Variants in DOT1L observed in about 807,000 individuals in gnomAD.
DOT1L encodes the protein DOT1 like histone lysine methyltransferase, also known as histone-lysine N-methyltransferase, H3 lysine-79 specific.
Under a neutral mutation model 153.3 loss-of-function variants are expected in DOT1L, and 33 were observed. The ratio of observed to expected loss-of-function variants is 0.22; its 90% CI spans 0.16 to 0.29. The LOEUF (loss-of-function observed/expected upper bound fraction) is 0.29, where lower values mean the gene tolerates loss of function less well. Ranked by LOEUF, DOT1L falls within the 10% of genes least tolerant of loss-of-function variation. DOT1L has a pLI of 1.00. For missense variants in DOT1L, 1,847 were observed against 2,119.9 expected (o/e 0.87, Z 2.53); for synonymous variants, 1,135 against 965.1 (o/e 1.18, Z -3.26).
intron 1 of DOT1L, among the ~76,000 whole-genome samples, chr19:2,166,232 G>C (rs1462874661): frequency 1.3e-5 from 2 of 151,428 alleles, no homozygotes; most frequent in Non-Finnish European, 2.9e-5. Flanking sequence ...TGGTAGGTGG[G>C]ATTACAGGCA....
rs2023726950 is a variant in DOT1L, at chr19:2,211,857, C to T, written c.1557+15C>T. 4 of 1,551,000 alleles carry T rather than the reference C, an allele frequency of 2.6e-6. No individual in the cohort carries two copies. Among genetic ancestry groups the T allele is most frequent in the Non-Finnish European group, 3.5e-6 (4 of 1,147,738 alleles). On this transcript the variant is annotated intron_variant, in intron 16 of 27. Transcript: ENST00000398665. ...GCCAGGAGAAGGTGGGTCCTGGCCC[C>T]CTTGGCATTCCGCCTTCCCGCACAG...
In DOT1L at chr19:2,231,984, G is replaced by A. The variant is rs565368859; in HGVS notation, c.*2192G>A. 7 of 210,090 alleles carry A rather than the reference G, an allele frequency of 3.3e-5. No homozygotes were observed. Among genetic ancestry groups the A allele is most frequent in the Non-Finnish European group, 5.8e-5 (6 of 103,336 alleles). The allele number at this position is 210,090 out of a possible 1,614,324, so 13.0% of individuals were successfully genotyped here. A position where few individuals can be genotyped will look rare whatever the true frequency, so the allele number is the denominator to read the frequency against. On this transcript the variant is annotated 3_prime_UTR_variant, in exon 28 of 28. Coordinates refer to ENST00000398665, the MANE Select transcript of DOT1L (RefSeq NM_032482.3). ...GTGAACTAGTGTGGTGGCTGCCTGC[G>A]GACACCCTCCTGTTCTGAGCCCTGG...
At chr19:2,210,599 G>C (rs769251501) in intron 13 of DOT1L, 22 bp from the exon 14 acceptor site, 3 of 1,608,870 alleles carry the variant, frequency 1.9e-6, no homozygotes, top group African/African-American at 1.3e-5. Context: ...GCCCATCCCT[G>C]TTCTTCCCTT....
At chr19:2,187,081 C>G (rs1472402222) in intron 3 of DOT1L, among the ~76,000 whole-genome samples, 2 of 152,190 alleles carry the variant, frequency 1.3e-5, no homozygotes, top group East Asian at 3.9e-4. Context: ...ATCTCCAGTC[C>G]CCTCTTTCTA....
Position 2,228,697 on chromosome 19 carries a change from G to T in DOT1L, c.4607-1088G>T, listed in dbSNP as rs1427869653. ...AGGCTCACGGGGTGCCAGGCCAGGG[G>T]GCTGGGAGCTCTAGCTCCTAGAGCA... On this transcript the variant is annotated intron_variant, in intron 27 of 27. Coordinates refer to ENST00000398665, the MANE Select transcript of DOT1L (RefSeq NM_032482.3). 4 of 985,416 alleles carry T rather than the reference G, an allele frequency of 4.1e-6. No individual in the cohort carries two copies. The African/African-American group carries it at 5.2e-5, about 13-fold the overall frequency. The allele number at this position is 985,416 out of a possible 1,614,324, so 61.0% of individuals were successfully genotyped here. A position where few individuals can be genotyped will look rare whatever the true frequency, so the allele number is the denominator to read the frequency against.
chr19:2,202,884 T>C, intron 9 of DOT1L, 105 bp downstream of exon 9: 3 of 1,090,950 alleles, frequency 2.7e-6, no homozygotes, highest in Admixed American at 1.9e-5. Context: ...AGACTTGGGG[T>C]CTTCAGTCCC....
In DOT1L at chr19:2,207,800, C is replaced by A. The variant is rs967843097; in HGVS notation, c.963+120C>A. 1.1e-6 allele frequency: 1 copy of A among 916,832 alleles called. No individual in the cohort carries two copies. Among genetic ancestry groups the A allele is most frequent in the Admixed American group, 2.7e-5 (1 of 37,128 alleles). 56.8% of individuals were successfully genotyped at this position (916,832 alleles called of 1,614,324 possible). ...ACCCTCCCCTCAGAGCCCTCAACGC[C>A]CCCCGGCCCCTGAGCTCAGGCCCAG... On this transcript the variant is annotated intron_variant, in intron 11 of 27. Coordinates refer to ENST00000398665, the MANE Select transcript of DOT1L (RefSeq NM_032482.3). This position sits in a 1 kb window ranked among gnomAD's most constrained non-coding sequence, Gnocchi z 4.5.
chr19:2,214,481 G>T lies in DOT1L; in HGVS notation c.1808G>T (p.Arg603Leu). ...RGQSLQLLKA[R>L]CEELQLDWAT... ...TCCCTATCCCCTCAGCTCAAGGCTC[G>T]CTGCGAGGAGCTGCAGCTGGACTGG... The change falls in exon 19 of 28, where the codon CGC becomes CTC. Residue 603 changes from arginine to leucine, a missense_variant. Arg to Leu is a moderately radical substitution (Grantham distance 102). Coordinates refer to ENST00000398665, the MANE Select transcript of DOT1L (RefSeq NM_032482.3). 1 of 1,612,808 alleles carries T rather than the reference G, an allele frequency of 6.2e-7. No individual in the cohort carries two copies. Among genetic ancestry groups the T allele is most frequent in the Non-Finnish European group, 8.5e-7 (1 of 1,179,810 alleles).
rs887395949 is a variant in DOT1L at position 2,230,496 on chromosome 19, G to A, written c.*704G>A. On this transcript the variant is annotated 3_prime_UTR_variant, in exon 28 of 28. Coordinates refer to ENST00000398665, the MANE Select transcript of DOT1L (RefSeq NM_032482.3). The stretch of plus-strand genomic sequence containing the variant: ...TGGCCATGTGCTGCGCGATGGTGCT[G>A]TGAGGACGGCGCGGGCACGTTGAAC... 14 of 398,866 alleles carry A rather than the reference G, an allele frequency of 3.5e-5. No individual in the cohort carries two copies. Among genetic ancestry groups the A allele is most frequent in the African/African-American group, 2.5e-4 (12 of 48,656 alleles). 24.7% of individuals were successfully genotyped at this position (398,866 alleles called of 1,614,324 possible).
At chr19:2,167,402 G>A (rs1240915730) in intron 1 of DOT1L, among the ~76,000 whole-genome samples, 1 of 152,202 alleles carries the variant, frequency 6.6e-6, no homozygotes, top group South Asian at 2.1e-4. Context: ...GTCCCCGCCC[G>A]CATGCCTGCT....
chr19:2,194,661 A>ATGTTGGCACATGTC, intron 7 of DOT1L, 84 bp downstream of exon 7: 4 of 1,139,138 alleles, frequency 3.5e-6, no homozygotes, highest in Middle Eastern at 2.9e-4. Context: ...TTTCTTGCCG[A>ATGTTGGCACATGTC]TGTTGGCACA....
intron 4 of DOT1L, 69 bp downstream of exon 4, chr19:2,189,864 T>C (rs543423366): frequency 6.5e-7 from 1 of 1,538,918 alleles, no homozygotes; most frequent in Non-Finnish European, 8.9e-7. Flanking sequence ...AGACCCCTTA[T>C]GTCACCGCCT....
At chr19:2,187,763 A>G (rs1180979117) in intron 3 of DOT1L, among the ~76,000 whole-genome samples, 3 of 152,172 alleles carry the variant, frequency 2.0e-5, no homozygotes, top group Non-Finnish European at 4.4e-5. Flanking sequence ...TCTACTAAAA[A>G]TACAAAAAAT....
chr19:2,227,075 C>T lies in DOT1L; in HGVS notation c.4554C>T (p.Thr1518=), dbSNP rs1260357228. Residue 1518 remains threonine, a synonymous_variant, in exon 27 of 28, where the codon ACC becomes ACT. Transcript: ENST00000398665. The stretch of plus-strand genomic sequence containing the variant: ...TGTCGTCCGCTGCCACCAGACTGAC[C>T]AACTCGCACGCCATGGGCAGCTTTT... ...VHVSSAATRL[T]NSHAMGSFSG... 5.1e-6 allele frequency: 8 copies of T among 1,567,224 alleles called. No homozygotes were observed. In the East Asian group the frequency reaches 6.9e-5, roughly 13 times the overall value.
chr19:2,230,096 G>A lies in DOT1L; in HGVS notation c.*304G>A, dbSNP rs1051810678. Reference sequence around the variant, plus strand: ...GAAATATAAATATCTATATATGAGAGCTCTATATAAAGACACGTGTCTGCA... The same window carrying A: ...GAAATATAAATATCTATATATGAGAACTCTATATAAAGACACGTGTCTGCA... On this transcript the variant is annotated 3_prime_UTR_variant, in exon 28 of 28. Coordinates refer to ENST00000398665, the MANE Select transcript of DOT1L (RefSeq NM_032482.3). 8 of 568,708 alleles carry A rather than the reference G, an allele frequency of 1.4e-5. No homozygotes were observed. The Admixed American group carries it at 2.0e-4, about 14-fold the overall frequency. 35.2% of individuals were successfully genotyped at this position (568,708 alleles called of 1,614,324 possible). A position where few individuals can be genotyped will look rare whatever the true frequency, so the allele number is the denominator to read the frequency against.
chr19:2,189,885 A>G, intron 4 of DOT1L, 90 bp downstream of exon 4: 1 of 1,408,120 alleles, frequency 7.1e-7, no homozygotes, highest in Admixed American at 1.7e-5. Context: ...CGGGGCACAG[A>G]GCTCCCCTTA....
At chr19:2,169,604 C>A (rs1424718083) in intron 1 of DOT1L, among the ~76,000 whole-genome samples, 2 of 152,230 alleles carry the variant, frequency 1.3e-5, no homozygotes, top group African/African-American at 4.8e-5. Flanking sequence ...AGTGATTCTC[C>A]TGCCTCAGCC....
At chr19:2,173,357 C>T (rs1284655903) in intron 1 of DOT1L, among the ~76,000 whole-genome samples, 2 of 152,136 alleles carry the variant, frequency 1.3e-5, no homozygotes, top group Non-Finnish European at 2.9e-5. Flanking sequence ...TCCTGTGTTG[C>T]TTTGCTGCTG....
Position 2,211,755 on chromosome 19 carries a change from C to T in DOT1L, c.1470C>T (p.Ser490=). The change falls in exon 16 of 28, where the codon TCC becomes TCT. Residue 490 remains serine (S), a synonymous_variant. Coordinates refer to ENST00000398665, the MANE Select transcript of DOT1L (RefSeq NM_032482.3). ...TPPALQKLLE[S]FKIQYLQFLA... is the part of the protein sequence containing the mutation. Reference sequence around the variant, plus strand: ...GTGTTCCGCCTCTCTTCCCAGAGTCCTTCAAGATCCAGTACCTGCAGTTCC... The same window carrying T: ...GTGTTCCGCCTCTCTTCCCAGAGTCTTTCAAGATCCAGTACCTGCAGTTCC... 1 of 1,562,238 alleles carries T rather than the reference C, an allele frequency of 6.4e-7. No homozygotes were observed.
Sources: allele counts gnomAD v4.1 joint callset (sites outside exome capture counted in the v4.1 genomes callset), GRCh38; gene constraint gnomAD v4.1.1; non-coding constraint Gnocchi (gnomAD v3.1); transcripts MANE v1.5; gene names NCBI Gene and HGNC (gene_info 2026-07-23, HGNC 2026-07-21).